The following TMSB10 variants were observed in gnomAD, a reference collection of about 807,000 sequenced individuals.
The protein encoded by TMSB10 is thymosin beta-10.
Under a neutral mutation model 4.5 loss-of-function variants are expected in TMSB10, and 4 were observed. The ratio of observed to expected loss-of-function variants is 0.89; its 90% CI spans 0.44 to 2.03. TMSB10 has a LOEUF of 2.03. Among genes scored for constraint, TMSB10 ranks in the 30% most tolerant of loss-of-function variants. The pLI is 0.03. For synonymous variants in TMSB10, 17 were observed against 20.3 expected (o/e 0.84, Z 0.44); for missense variants, 44 against 53.9 (o/e 0.82, Z 0.57).
In TMSB10 at chr2:84,906,442, A is replaced by G; in HGVS notation, c.*19A>G. 2 of 1,600,626 alleles carry G rather than the reference A, an allele frequency of 1.2e-6. No individual in the cohort carries two copies. The highest frequency in any genetic ancestry group is 1.7e-6 in the Non-Finnish European group (2 of 1,176,234). ...TTCCTAAGATCCTGGAGGATTTCCT[A>G]CCCCCGTCCTCTTCGAGACCCCAGT... On this transcript the variant is annotated 3_prime_UTR_variant, in exon 3 of 3. Transcript: ENST00000233143.
Position 84,906,451 on chromosome 2 carries a change from C to G in TMSB10, c.*28C>G. 6.3e-7 allele frequency: 1 copy of G among 1,599,988 alleles called. No individual in the cohort carries two copies. ...TCCTGGAGGATTTCCTACCCCCGTC[C>G]TCTTCGAGACCCCAGTCGTGATGTG... On this transcript the variant is annotated 3_prime_UTR_variant, in exon 3 of 3. Transcript: ENST00000233143.
Position 84,905,710 on chromosome 2 carries a change from G to A in TMSB10, c.-24G>A. The A allele has an allele frequency of 3.8e-6, 1 of 264,618 alleles. No individual in the cohort carries two copies. Among genetic ancestry groups the A allele is most frequent in the South Asian group, 4.8e-5 (1 of 20,806 alleles). 16.4% of individuals were successfully genotyped at this position (264,618 alleles called of 1,614,324 possible). A position where few individuals can be genotyped will look rare whatever the true frequency, so the allele number is the denominator to read the frequency against. ...CACCAGGATCTCGGGCTCGGAACGAGACTGCACGGTGAGTGCGGCGCCGGG... is the reference window on the plus strand; with the variant it reads ...CACCAGGATCTCGGGCTCGGAACGAAACTGCACGGTGAGTGCGGCGCCGGG... On this transcript the variant is annotated 5_prime_UTR_variant, in exon 1 of 3. Transcript: ENST00000233143.
At chr2:84,906,344 G>T in intron 2 of TMSB10, 45 bp from the exon 3 acceptor site, 1 of 1,567,822 alleles carries the variant, frequency 6.4e-7, no homozygotes, top group African/African-American at 1.3e-5. Context: ...GGTTGCGGGT[G>T]GGGGTTGCAG....
In TMSB10 at chr2:84,906,481, A is replaced by T; in HGVS notation, c.*58A>T. On this transcript the variant is annotated 3_prime_UTR_variant, in exon 3 of 3. Transcript: ENST00000233143. ...CGAGACCCCAGTCGTGATGTGGAGG[A>T]AGAGCCACCTGCAAGATGGACACGA... 1 of 1,545,218 alleles carries T rather than the reference A, an allele frequency of 6.5e-7. No individual in the cohort carries two copies. Among genetic ancestry groups the T allele is most frequent in the Non-Finnish European group, 8.7e-7 (1 of 1,146,534 alleles).
In TMSB10 at chr2:84,906,198, C is replaced by T. The variant is rs1029060593; in HGVS notation, c.100+81C>T. On this transcript the variant is annotated intron_variant, in intron 2 of 2. Coordinates refer to ENST00000233143, the MANE Select transcript of TMSB10 (RefSeq NM_021103.4). ...TGCAAACCCACTCCTCCACCCCCCA[C>T]CCCGCCGTTGTCCCCGGTGTGGGCG... 4 of 1,472,246 alleles carry T rather than the reference C, an allele frequency of 2.7e-6. No individual in the cohort carries two copies. The African/African-American group carries it at 5.6e-5, about 21-fold the overall frequency. The allele number at this position is 1,472,246 out of a possible 1,614,324, so 91.2% of individuals were successfully genotyped here.
intron 1 of TMSB10, 57 bp downstream of exon 1, chr2:84,905,775 C>G: frequency 2.6e-6 from 1 of 381,446 alleles, no homozygotes; most frequent in South Asian, 3.1e-5. Context: ...TCCGGTGCAC[C>G]GGGCGGGCGC....
Position 84,906,585 on chromosome 2 carries a change from A to G in TMSB10, c.*162A>G, listed in dbSNP as rs1352945813. On this transcript the variant is annotated 3_prime_UTR_variant, in exon 3 of 3. Coordinates refer to ENST00000233143, the MANE Select transcript of TMSB10 (RefSeq NM_021103.4). ...GGGTCTCTGAAGGGACCCCCCCCCAATCGGACTGCCAAATTCTCCGGTTTG... is the reference window on the plus strand; with the variant it reads ...GGGTCTCTGAAGGGACCCCCCCCCAGTCGGACTGCCAAATTCTCCGGTTTG... The G allele has an allele frequency of 6.4e-5, 38 of 594,144 alleles. No individual in the cohort carries two copies. Among genetic ancestry groups the G allele is most frequent in the Non-Finnish European group, 5.2e-6 (2 of 381,932 alleles). The allele number at this position is 594,144 out of a possible 1,614,324, so 36.8% of individuals were successfully genotyped here. A position where few individuals can be genotyped will look rare whatever the true frequency, so the allele number is the denominator to read the frequency against.
At chr2:84,906,247 A>G (rs1190215688) in intron 2 of TMSB10, 130 bp downstream of exon 2, 2 of 1,432,688 alleles carry the variant, frequency 1.4e-6, no homozygotes, top group Admixed American at 2.3e-5. Flanking sequence ...TTTCAGTTTC[A>G]CAAAGCGCCT....
Position 84,906,529 on chromosome 2 carries a change from T to G in TMSB10, c.*106T>G, listed in dbSNP as rs552152822. On this transcript the variant is annotated 3_prime_UTR_variant, in exon 3 of 3. Coordinates refer to ENST00000233143, the MANE Select transcript of TMSB10 (RefSeq NM_021103.4). ...CGAGCCACAAGCTGCACTGTGAACC[T>G]GGGCACTCCGCGCCGATGCCACCGG... 3.1e-5 allele frequency: 42 copies of G among 1,351,734 alleles called. No individual in the cohort carries two copies. The African/African-American group carries it at 4.7e-4, about 15-fold the overall frequency. 83.7% of individuals were successfully genotyped at this position (1,351,734 alleles called of 1,614,324 possible). A position where few individuals can be genotyped will look rare whatever the true frequency, so the allele number is the denominator to read the frequency against.
chr2:84,906,530 G>A lies in TMSB10; in HGVS notation c.*107G>A. On this transcript the variant is annotated 3_prime_UTR_variant, in exon 3 of 3. Coordinates refer to ENST00000233143, the MANE Select transcript of TMSB10 (RefSeq NM_021103.4). ...GAGCCACAAGCTGCACTGTGAACCT[G>A]GGCACTCCGCGCCGATGCCACCGGC... 7.4e-7 allele frequency: 1 copy of A among 1,347,162 alleles called. No homozygotes were observed. Among genetic ancestry groups the A allele is most frequent in the Non-Finnish European group, 1.0e-6 (1 of 1,004,730 alleles). 83.5% of individuals were successfully genotyped at this position (1,347,162 alleles called of 1,614,324 possible). A position where few individuals can be genotyped will look rare whatever the true frequency, so the allele number is the denominator to read the frequency against.
rs1326637707 is a variant in TMSB10, at chr2:84,906,450, C to T, written c.*27C>T. On this transcript the variant is annotated 3_prime_UTR_variant, in exon 3 of 3. Transcript: ENST00000233143. ...ATCCTGGAGGATTTCCTACCCCCGT[C>T]CTCTTCGAGACCCCAGTCGTGATGT... 3 of 1,600,716 alleles carry T rather than the reference C, an allele frequency of 1.9e-6. No homozygotes were observed. In the South Asian group the frequency reaches 3.4e-5, roughly 18 times the overall value.
chr2:84,906,319 A>C, intron 2 of TMSB10, 70 bp from the exon 3 acceptor site: 1 of 1,532,864 alleles, frequency 6.5e-7, no homozygotes, highest in Non-Finnish European at 8.8e-7. Flanking sequence ...CCTCGCCCAC[A>C]CCGGGAAGCA....
chr2:84,905,983 C>G lies in TMSB10; in HGVS notation c.-15-20C>G. On this transcript the variant is annotated intron_variant, in intron 1 of 2. Transcript: ENST00000233143. ...CGCTGGCCCCCAGGCCCAGGTCAAG[C>G]GCCTTGGTTTGCCCACTAGGATTGT... The G allele has an allele frequency of 1.2e-6, 2 of 1,602,530 alleles. No homozygotes were observed. The highest frequency in any genetic ancestry group is 1.7e-6 in the Non-Finnish European group (2 of 1,171,500).
chr2:84,906,232 C>G, intron 2 of TMSB10, 115 bp downstream of exon 2: 2 of 1,436,814 alleles, frequency 1.4e-6, no homozygotes, highest in Non-Finnish European at 1.9e-6. Flanking sequence ...CGGCCCCGGC[C>G]ACTCTTTCAG....
intron 1 of TMSB10, 53 bp downstream of exon 1, chr2:84,905,771 G>T: frequency 2.6e-6 from 1 of 378,318 alleles, no homozygotes; most frequent in Non-Finnish European, 4.8e-6. Flanking sequence ...CGGATCCGGT[G>T]CACCGGGCGG....
rs1559109049 is a variant in TMSB10 at position 84,906,583 on chromosome 2, CA to C, written c.*162del. 1.1e-5 allele frequency: 7 copies of C among 644,614 alleles called. No homozygotes were observed. Among genetic ancestry groups the C allele is most frequent in the Admixed American group, 3.9e-5 (1 of 25,432 alleles). 39.9% of individuals were successfully genotyped at this position (644,614 alleles called of 1,614,324 possible). A position where few individuals can be genotyped will look rare whatever the true frequency, so the allele number is the denominator to read the frequency against. ...GTGGGTCTCTGAAGGGACCCCCCCC[CA>C]ATCGGACTGCCAAATTCTCCGGTTT... On this transcript the variant is annotated 3_prime_UTR_variant, in exon 3 of 3. Coordinates refer to ENST00000233143, the MANE Select transcript of TMSB10 (RefSeq NM_021103.4).
In TMSB10 at chr2:84,906,378, G is replaced by T; in HGVS notation, c.101-11G>T. ...AGCTCCCCTCCAGCGCCCGCTTCCCGCTCTCCACAGCCATTGAGCAGGAGA... is the reference window on the plus strand; with the variant it reads ...AGCTCCCCTCCAGCGCCCGCTTCCCTCTCTCCACAGCCATTGAGCAGGAGA... On this transcript the variant is annotated splice_polypyrimidine_tract_variant and intron_variant, in intron 2 of 2. Transcript: ENST00000233143. 2 of 1,597,260 alleles carry T rather than the reference G, an allele frequency of 1.3e-6. No homozygotes were observed. The highest frequency in any genetic ancestry group is 8.5e-7 in the Non-Finnish European group (1 of 1,172,144).
chr2:84,906,027 A>G lies in TMSB10; in HGVS notation c.10A>G (p.Lys4Glu). The G allele has an allele frequency of 6.2e-7, 1 of 1,614,042 alleles. No homozygotes were observed. Among genetic ancestry groups the G allele is most frequent in the Non-Finnish European group, 8.5e-7 (1 of 1,179,960 alleles). The change falls in exon 2 of 3, where the codon AAA becomes GAA. Residue 4 changes from lysine (K) to glutamate (E), a missense_variant. By Grantham distance (56) the Lys-to-Glu change is moderately conservative. Coordinates refer to ENST00000233143, the MANE Select transcript of TMSB10 (RefSeq NM_021103.4). ...GGATTGTTTTAAGAAAATGGCAGACAAACCAGACATGGGGGAAATCGCCAG... is the reference window on the plus strand; with the variant it reads ...GGATTGTTTTAAGAAAATGGCAGACGAACCAGACATGGGGGAAATCGCCAG... MAD[K>E]PDMGEIASFD...
intron 2 of TMSB10, 24 bp downstream of exon 2, chr2:84,906,141 GC>G (rs772403849): frequency 6.6e-5 from 106 of 1,608,378 alleles, no homozygotes; most frequent in Non-Finnish European, 7.7e-5. Context: ...GGTCTCCCGC[GC>G]CCCAGCCCAG....
Sources: allele counts gnomAD v4.1 joint callset, GRCh38; gene constraint gnomAD v4.1.1; transcripts MANE v1.5; gene names NCBI Gene and HGNC (gene_info 2026-07-23, HGNC 2026-07-21).